Variants in PLD5 observed in about 807,000 individuals in gnomAD.
PLD5 encodes the protein inactive phospholipase D5.
In PLD5, 36 loss-of-function variants were observed where a neutral mutation model predicts 61.1. The observed-to-expected ratio is 0.59, with a 90% CI of 0.45 to 0.78. The LOEUF is 0.78. Among genes scored for constraint, PLD5 ranks in the 30% least tolerant of loss-of-function variants. The pLI is 0.00. For missense variants in PLD5, 515 were observed against 644.4 expected (o/e 0.80, Z 2.17); for synonymous variants, 243 against 242.8 (o/e 1.00, Z -0.01).
At chr1:242,322,502 G>A (rs866266386) in intron 2 of PLD5, among the ~76,000 whole-genome samples, 4 of 152,074 alleles carry the variant, frequency 2.6e-5, no homozygotes, top group Admixed American at 6.6e-5. Flanking sequence ...TATAGCATCT[G>A]TCTTTTTATC....
intron 1 of PLD5, among the ~76,000 whole-genome samples, chr1:242,417,778 G>C (rs1438127329): frequency 2.0e-5 from 3 of 152,220 alleles, no homozygotes; most frequent in Non-Finnish European, 4.4e-5. Context: ...CAGTACGGGG[G>C]ATGGTGGTAT....
intron 5 of PLD5, among the ~76,000 whole-genome samples, chr1:242,182,519 C>T (rs376621): frequency 0.76 from 115,279 of 152,112 alleles, 43,824 homozygotes; most frequent in South Asian, 0.88. Context: ...TCCCAAATTC[C>T]CAAATACAAT....
chr1:242,475,022 T>C (rs140375244), intron 1 of PLD5, among the ~76,000 whole-genome samples: 215 of 152,334 alleles, frequency 1.4e-3, no homozygotes, highest in African/African-American at 5.0e-3. Flanking sequence ...ATGTCCAGCA[T>C]AGTGCCTGGC....
chr1:242,432,164 T>C (rs1665755612), intron 1 of PLD5, among the ~76,000 whole-genome samples: 1 of 152,244 alleles, frequency 6.6e-6, no homozygotes, highest in Non-Finnish European at 1.5e-5. Context: ...CTGTGTATAA[T>C]GAACTATGGG....
intron 1 of PLD5, among the ~76,000 whole-genome samples, chr1:242,426,192 C>T (rs1230339164): frequency 6.6e-6 from 1 of 151,930 alleles, no homozygotes; most frequent in East Asian, 1.9e-4. Flanking sequence ...TCCACCTCCA[C>T]ATCTTATCCC....
At chr1:242,394,916 G>GAT (rs200953886) in intron 1 of PLD5, among the ~76,000 whole-genome samples, 2 of 67,482 alleles carry the variant, frequency 3.0e-5, no homozygotes, top group African/African-American at 6.9e-5. Context: ...GAATATATAT[G>GAT]TATATATGTA....
chr1:242,282,997 A>T (rs1392539588), intron 3 of PLD5, among the ~76,000 whole-genome samples: 1 of 152,218 alleles, frequency 6.6e-6, no homozygotes, highest in Admixed American at 6.5e-5. Context: ...GGAAACAAAC[A>T]CAAACAGATT....
chr1:242,112,077 C>A (rs1184833506), intron 7 of PLD5, among the ~76,000 whole-genome samples: 1 of 152,068 alleles, frequency 6.6e-6, no homozygotes, highest in Non-Finnish European at 1.5e-5. Context: ...CATATAACTC[C>A]CTGAACTTGA....
At chr1:242,125,362 A>G (rs1662701281) in intron 5 of PLD5, among the ~76,000 whole-genome samples, 1 of 152,128 alleles carries the variant, frequency 6.6e-6, no homozygotes, top group African/African-American at 2.4e-5. Flanking sequence ...CATTTTGTCC[A>G]CCTCTCTCAA....
At chr1:242,338,694 T>C (rs10926690) in intron 2 of PLD5, among the ~76,000 whole-genome samples, 129,803 of 152,052 alleles carry the variant, frequency 0.85, 56,388 homozygotes, top group Non-Finnish European at 0.94. Flanking sequence ...TTAACATAAT[T>C]TTTTAAACTT....
In PLD5 at chr1:242,459,866, C is replaced by T. The variant is rs959389613; in HGVS notation, c.189+64222G>A. On this transcript the variant is annotated intron_variant, in intron 1 of 9. Coordinates refer to ENST00000536534, the MANE Select transcript of PLD5 (RefSeq NM_001372062.1). ...AAGGGATGCATGGGGGGCGCCTGTC[C>T]ATATGGATAAGATAGGGCTATAAAC... is the stretch of plus-strand genomic sequence containing the variant. 2.0e-5 allele frequency among the ~76,000 whole-genome samples: 3 copies of T among 152,082 alleles called. No individual in the cohort carries two copies. The South Asian group carries it at 6.2e-4, about 32-fold the overall frequency.
chr1:242,194,923 A>T (rs1668540757), intron 5 of PLD5, among the ~76,000 whole-genome samples: 1 of 152,158 alleles, frequency 6.6e-6, no homozygotes, highest in Non-Finnish European at 1.5e-5. Flanking sequence ...AATTGGGTTC[A>T]GTGTATACTG....
rs63278061 is a variant in PLD5 at position 242,437,698 on chromosome 1, A to C, written c.189+86390T>G. On this transcript the variant is annotated intron_variant, in intron 1 of 9. Transcript: ENST00000536534. ...CAAGTTTACGTCTCAAAAAAAAAAA[A>C]TTTAGTTTACAAACAGCTAATAAGT... 2.1e-5 allele frequency among the ~76,000 whole-genome samples: 3 copies of C among 146,192 alleles called. No homozygotes were observed. The East Asian group carries it at 5.9e-4, about 29-fold the overall frequency.
intron 5 of PLD5, among the ~76,000 whole-genome samples, chr1:242,125,749 C>T (rs1010892879): frequency 6.6e-6 from 1 of 152,100 alleles, no homozygotes; most frequent in Non-Finnish European, 1.5e-5. Context: ...CCCCAAGACT[C>T]TTTACTCAGG....
At chr1:242,239,213 G>A (rs1400088743) in intron 4 of PLD5, among the ~76,000 whole-genome samples, 3 of 152,052 alleles carry the variant, frequency 2.0e-5, no homozygotes, top group African/African-American at 7.2e-5. Flanking sequence ...TAGAATCTCT[G>A]TGCTCCTCAG....
intron 1 of PLD5, among the ~76,000 whole-genome samples, chr1:242,480,719 G>A (rs187681443): frequency 2.0e-5 from 3 of 152,258 alleles, no homozygotes; most frequent in African/African-American, 4.8e-5. Flanking sequence ...AAGTAGATAT[G>A]TGAATGATCA....
At chr1:242,397,784 CTTT>C (rs749006053) in intron 1 of PLD5, among the ~76,000 whole-genome samples, 17 of 74,588 alleles carry the variant, frequency 2.3e-4, no homozygotes, top group African/African-American at 9.8e-4. Context: ...TCTTCTTCTT[CTTT>C]TTTTTTTTTT....
chr1:242,400,237 C>T (rs1663848313), intron 1 of PLD5, among the ~76,000 whole-genome samples: 1 of 151,320 alleles, frequency 6.6e-6, no homozygotes, highest in Non-Finnish European at 1.5e-5. Flanking sequence ...GTTTCATCCC[C>T]AAACCATCCC....
intron 5 of PLD5, among the ~76,000 whole-genome samples, chr1:242,182,037 C>A (rs1292265847): frequency 2.0e-5 from 3 of 152,200 alleles, no homozygotes; most frequent in Non-Finnish European, 4.4e-5. Flanking sequence ...TGCCAATGTA[C>A]ATATAGTTGC....
Sources: allele counts gnomAD v4.1 joint callset (sites outside exome capture counted in the v4.1 genomes callset), GRCh38; gene constraint gnomAD v4.1.1; transcripts MANE v1.5; gene names NCBI Gene and HGNC (gene_info 2026-07-23, HGNC 2026-07-21).